SLC25A30: variants seen among roughly 807,000 people sequenced by gnomAD.
SLC25A30 encodes the protein solute carrier family 25 member 30, also known as kidney mitochondrial carrier protein 1.
In SLC25A30, 29 loss-of-function variants were observed where a neutral mutation model predicts 42.7. The observed-to-expected ratio is 0.68, with a 90% confidence interval of 0.51 to 0.93. The LOEUF (loss-of-function observed/expected upper bound fraction) is 0.93, where lower values mean the gene tolerates loss of function less well. SLC25A30 is among the 40% of genes least tolerant of loss of function. The probability of loss-of-function intolerance (pLI) is 0.00; values close to 1 mark genes in which losing one functional copy is unlikely to be tolerated. For synonymous variants in SLC25A30, 124 were observed against 131.0 expected (o/e 0.95, Z 0.37); for missense variants, 300 against 359.7 (o/e 0.83, Z 1.34).
At chr13:45,423,831 T>TAA in the SLC25A30 span, among the ~76,000 whole-genome samples, 1 of 56,880 alleles carries the variant, frequency 1.8e-5, no homozygotes, top group Non-Finnish European at 2.8e-5. Context: ...AATATATATT[T>TAA]ATATATATAA....
At chr13:45,417,774 T>C (rs1221099566) in intron 1 of SLC25A30, among the ~76,000 whole-genome samples, 2 of 152,206 alleles carry the variant, frequency 1.3e-5, no homozygotes, top group Admixed American at 1.3e-4. Flanking sequence ...AAAGTGCACC[T>C]AGAAAGACTT....
At chr13:45,423,626 A>T in the SLC25A30 span, among the ~76,000 whole-genome samples, 1 of 105,454 alleles carries the variant, frequency 9.5e-6, no homozygotes, top group Non-Finnish European at 1.8e-5. Context: ...AAATATATAT[A>T]TATAAATATA....
At chr13:45,425,715 C>T in the SLC25A30 span, among the ~76,000 whole-genome samples, 86 of 137,270 alleles carry the variant, frequency 6.3e-4, no homozygotes, top group African/African-American at 2.2e-3. Context: ...TTTTTTGGGA[C>T]TGAGTCTCGC....
chr13:45,425,664 A>T, the SLC25A30 span, among the ~76,000 whole-genome samples: 1 of 96,826 alleles, frequency 1.0e-5, no homozygotes. Context: ...ATATATAAAT[A>T]TATATATAAG....
rs538746896 is a variant in SLC25A30, at chr13:45,408,826, A to C, written c.212+101T>G. On this transcript the variant is annotated intron_variant, in intron 3 of 9. Transcript: ENST00000519676. ...CATGCTATTTGTTCTTTTCAAACAC[A>C]CCTCAAACTTTTTACTTGTGATCTG... 28 of 1,062,660 alleles carry C rather than the reference A, an allele frequency of 2.6e-5. No homozygotes were observed. In the African/African-American group the frequency reaches 4.0e-4, roughly 15 times the overall value. 65.8% of individuals were successfully genotyped at this position (1,062,660 alleles called of 1,614,324 possible).
chr13:45,425,597 C>CGTATATATAA, the SLC25A30 span, among the ~76,000 whole-genome samples: 5 of 38,128 alleles, frequency 1.3e-4, 1 homozygote, highest in African/African-American at 4.4e-4. Context: ...TATATATATA[C>CGTATATATAA]ATATATATAT....
chr13:45,432,167 G>T, the SLC25A30 span, among the ~76,000 whole-genome samples: 1 of 151,920 alleles, frequency 6.6e-6, no homozygotes, highest in East Asian at 1.9e-4. Flanking sequence ...GTACTCGGGA[G>T]GCTGAGGCAG....
chr13:45,415,667 C>A (rs1317973542), intron 1 of SLC25A30, among the ~76,000 whole-genome samples: 1 of 148,820 alleles, frequency 6.7e-6, no homozygotes. Flanking sequence ...AGGAGAATAG[C>A]TTTGAACCCG....
rs1881118098 is a variant in SLC25A30 at position 45,393,774 on chromosome 13, G to A, written c.*2200C>T. Reference sequence around the variant, plus strand: ...TCCTGTTCAATAAGGCACTTAATAAGTCTACACTGAAGAAATACTATGCTT... The same window carrying A: ...TCCTGTTCAATAAGGCACTTAATAAATCTACACTGAAGAAATACTATGCTT... On this transcript the variant is annotated 3_prime_UTR_variant, in exon 10 of 10. Transcript: ENST00000519676. 6.1e-6 allele frequency: 6 copies of A among 985,270 alleles called. No homozygotes were observed. The highest frequency in any genetic ancestry group is 4.8e-6 in the Non-Finnish European group (4 of 829,926). 61.0% of individuals were successfully genotyped at this position (985,270 alleles called of 1,614,324 possible).
chr13:45,424,836 AT>A, the SLC25A30 span, among the ~76,000 whole-genome samples: 1 of 53,870 alleles, frequency 1.9e-5, no homozygotes, highest in Non-Finnish European at 3.2e-5. Flanking sequence ...AAATATATAT[AT>A]AAAAATATAT....
the SLC25A30 span, among the ~76,000 whole-genome samples, chr13:45,433,861 T>C: frequency 6.6e-6 from 1 of 152,244 alleles, no homozygotes; most frequent in Non-Finnish European, 1.5e-5. Flanking sequence ...AAGGAATACT[T>C]ACTGTATCTG....
chr13:45,425,330 A>G, the SLC25A30 span, among the ~76,000 whole-genome samples: 1 of 108,734 alleles, frequency 9.2e-6, no homozygotes, highest in Non-Finnish European at 1.7e-5. Context: ...ATATGTAACT[A>G]TATATAAGTA....
At chr13:45,405,273 T>G (rs1882391381) in intron 4 of SLC25A30, among the ~76,000 whole-genome samples, 1 of 152,228 alleles carries the variant, frequency 6.6e-6, no homozygotes, top group South Asian at 2.1e-4. Context: ...TAAGATGAGC[T>G]ATATCTGTTA....
the SLC25A30 span, among the ~76,000 whole-genome samples, chr13:45,428,067 T>A: frequency 6.6e-6 from 1 of 151,720 alleles, no homozygotes; most frequent in Non-Finnish European, 1.5e-5. Context: ...ATGTCCCATT[T>A]TTATAGAGAA....
chr13:45,398,769 T>C lies in SLC25A30; in HGVS notation c.753+171A>G, dbSNP rs975881034. ...AGATGGAGGTATAAAGAAAACAACA[T>C]TGTATTTATAAAAGCTAAGCACAGT... On this transcript the variant is annotated intron_variant, in intron 8 of 9. Transcript: ENST00000519676. 17 of 536,472 alleles carry C rather than the reference T, an allele frequency of 3.2e-5. No individual in the cohort carries two copies. The Middle Eastern group carries it at 1.4e-3, about 43-fold the overall frequency. 33.2% of individuals were successfully genotyped at this position (536,472 alleles called of 1,614,324 possible).
intron 2 of SLC25A30, 55 bp from the exon 3 acceptor site, chr13:45,409,129 AT>A: frequency 3.7e-6 from 5 of 1,334,312 alleles, no homozygotes; most frequent in Non-Finnish European, 5.0e-6. Context: ...TAAATAAAGG[AT>A]ACGTAGTGAT....
chr13:45,396,160 C>T (rs894631028), intron 9 of SLC25A30, 145 bp from the exon 10 acceptor site: 3 of 1,538,676 alleles, frequency 1.9e-6, no homozygotes, highest in African/African-American at 2.8e-5. Flanking sequence ...AGGGGTTCCA[C>T]CCTTAACCAC....
At chr13:45,403,540 GATGCTCT>G (rs142268491) in intron 5 of SLC25A30, among the ~76,000 whole-genome samples, 2,616 of 152,292 alleles carry the variant, frequency 0.017, 67 homozygotes, top group African/African-American at 0.06. Flanking sequence ...AGGATTTAAA[GATGCTCT>G]ATCCCTAGTA....
Position 45,393,500 on chromosome 13 carries a change from T to C in SLC25A30, c.*2474A>G. 1 of 985,350 alleles carries C rather than the reference T, an allele frequency of 1.0e-6. No homozygotes were observed. Among genetic ancestry groups the C allele is most frequent in the African/African-American group, 1.7e-5 (1 of 57,348 alleles). The allele number at this position is 985,350 out of a possible 1,614,324, so 61.0% of individuals were successfully genotyped here. On this transcript the variant is annotated 3_prime_UTR_variant, in exon 10 of 10. Coordinates refer to ENST00000519676, the MANE Select transcript of SLC25A30 (RefSeq NM_001010875.4). ...TAAAGGACAGGAGCCACTTTTTATA[T>C]TATGAATCCACAACATTAAGCATCA...
Sources: gnomAD v4.1 joint callset for allele counts (sites outside exome capture counted in the v4.1 genomes callset) on GRCh38, gnomAD v4.1.1 for gene constraint, MANE v1.5 for transcripts, NCBI Gene and HGNC (gene_info 2026-07-23, HGNC 2026-07-21) for gene names.